The following SPECC1 variants were observed in gnomAD, a reference collection of about 807,000 sequenced individuals.
The protein encoded by SPECC1 is sperm antigen with calponin homology and coiled-coil domains 1, also known as cytospin-B.
In SPECC1, 62 loss-of-function variants were observed where a neutral mutation model predicts 104.1. The observed-to-expected ratio is 0.60, with a 90% CI of 0.49 to 0.74. The LOEUF (loss-of-function observed/expected upper bound fraction) is 0.74. Ranked by LOEUF, SPECC1 falls within the 30% of genes least tolerant of loss-of-function variation. The pLI is 0.00. For synonymous variants in SPECC1, 513 were observed against 501.6 expected, an observed-to-expected ratio of 1.02 and a Z score of -0.30; for missense variants, 1,306 against 1,310.5, an observed-to-expected ratio of 1.00 and a Z score of 0.05.
intron 1 of SPECC1, among the ~76,000 whole-genome samples, chr17:20,035,266 T>C (rs1567804851): frequency 6.6e-6 from 1 of 152,234 alleles, no homozygotes; most frequent in Non-Finnish European, 1.5e-5. Flanking sequence ...GCTACTCTAG[T>C]TCCTTTGCAT....
chr17:20,022,602 C>G (rs548284375), intron 1 of SPECC1, among the ~76,000 whole-genome samples: 6 of 152,176 alleles, frequency 3.9e-5, no homozygotes, highest in Admixed American at 3.9e-4. Context: ...ACATAAAAAT[C>G]CAGATTCCTA....
chr17:20,234,864 G>A (rs1308346599), intron 7 of SPECC1, among the ~76,000 whole-genome samples: 3 of 152,192 alleles, frequency 2.0e-5, no homozygotes. Context: ...ACTAAACAGT[G>A]GGATATTATC....
intron 1 of SPECC1, among the ~76,000 whole-genome samples, chr17:20,039,494 G>A (rs987303364): frequency 2.6e-5 from 4 of 152,080 alleles, no homozygotes; most frequent in Non-Finnish European, 4.4e-5. Flanking sequence ...TTTGATTAAT[G>A]TTTTCATGAT....
chr17:20,049,963 A>T (rs2045678043), intron 1 of SPECC1, among the ~76,000 whole-genome samples: 1 of 152,038 alleles, frequency 6.6e-6, no homozygotes, highest in South Asian at 2.1e-4. Flanking sequence ...GATTACAGGC[A>T]TGTGCCACCA....
At chr17:20,026,243 T>C (rs935266238) in intron 1 of SPECC1, among the ~76,000 whole-genome samples, 4 of 152,120 alleles carry the variant, frequency 2.6e-5, no homozygotes, top group African/African-American at 9.7e-5. Context: ...AGAGTGATAA[T>C]TTGATACATG....
chr17:20,059,132 G>A (rs564503887), intron 1 of SPECC1, among the ~76,000 whole-genome samples: 2 of 152,010 alleles, frequency 1.3e-5, no homozygotes, highest in Admixed American at 1.3e-4. Context: ...GAGCCACCAC[G>A]CCTGGCCTAT....
At chr17:20,070,758 G>A (rs1222747124) in intron 1 of SPECC1, among the ~76,000 whole-genome samples, 2 of 151,998 alleles carry the variant, frequency 1.3e-5, no homozygotes, top group Non-Finnish European at 2.9e-5. Context: ...TGGAATAATG[G>A]AACCAAAGGT....
intron 3 of SPECC1, among the ~76,000 whole-genome samples, chr17:20,120,151 G>A (rs1322537551): frequency 6.6e-6 from 1 of 152,198 alleles, no homozygotes; most frequent in African/African-American, 2.4e-5. Context: ...ACTCTGGGAG[G>A]CCGAGGCAGG....
At chr17:20,067,504 A>G (rs2046399128) in intron 1 of SPECC1, 1 of 152,050 alleles carries the variant, frequency 6.6e-6, no homozygotes, top group African/African-American at 2.4e-5. Flanking sequence ...TGTAAATATG[A>G]GCTCCTACTG....
At chr17:20,062,729 C>G (rs903483501) in intron 1 of SPECC1, among the ~76,000 whole-genome samples, 2 of 151,250 alleles carry the variant, frequency 1.3e-5, no homozygotes, top group African/African-American at 4.9e-5. Flanking sequence ...CAATCTGTCA[C>G]CCAGGCTGGA....
At chr17:20,220,269 G>A (rs2037789974) in intron 4 of SPECC1, among the ~76,000 whole-genome samples, 1 of 152,028 alleles carries the variant, frequency 6.6e-6, no homozygotes. Context: ...GGGTAGTGTG[G>A]ACATTTTAAC....
intron 3 of SPECC1, among the ~76,000 whole-genome samples, chr17:20,151,746 C>A (rs1321181010): frequency 2.6e-5 from 4 of 152,184 alleles, no homozygotes; most frequent in Admixed American, 2.0e-4. Flanking sequence ...GATCCCTGAA[C>A]TGCTTTTTAA....
intron 12 of SPECC1, among the ~76,000 whole-genome samples, chr17:20,261,456 T>C (rs550173588): frequency 1.4e-4 from 20 of 143,298 alleles, no homozygotes; most frequent in Non-Finnish European, 2.2e-4. Flanking sequence ...GAGCCAAGAT[T>C]GCGCCACTGC....
intron 14 of SPECC1, among the ~76,000 whole-genome samples, chr17:20,307,209 C>T (rs912494078): frequency 6.6e-6 from 1 of 152,154 alleles, no homozygotes; most frequent in Non-Finnish European, 1.5e-5. Flanking sequence ...ATGTGTTCAG[C>T]TTCAAGAAAT....
Position 20,317,780 on chromosome 17 carries a change from G to A in SPECC1, c.*3715G>A. On this transcript the variant is annotated 3_prime_UTR_variant, in exon 15 of 15. Transcript: ENST00000395527. ...GGTGTTTTGGGGAAGGGAAGGTTCTGCTGGGGTCCTGGAACTGTGACTGAT... is the reference window on the plus strand; with the variant it reads ...GGTGTTTTGGGGAAGGGAAGGTTCTACTGGGGTCCTGGAACTGTGACTGAT... The A allele has an allele frequency of 4.5e-6, 1 of 223,604 alleles. No homozygotes were observed. Among genetic ancestry groups the A allele is most frequent in the African/African-American group, 2.2e-5 (1 of 44,824 alleles). The allele number at this position is 223,604 out of a possible 1,614,324, so 13.9% of individuals were successfully genotyped here.
intron 1 of SPECC1, among the ~76,000 whole-genome samples, chr17:20,039,502 G>T (rs911033833): frequency 6.6e-6 from 1 of 152,068 alleles, no homozygotes; most frequent in African/African-American, 2.4e-5. Context: ...ATGTTTTCAT[G>T]ATATATTTTA....
intron 3 of SPECC1, among the ~76,000 whole-genome samples, chr17:20,127,233 C>T (rs891151586): frequency 6.6e-6 from 1 of 152,034 alleles, no homozygotes; most frequent in Non-Finnish European, 1.5e-5. Context: ...TTGAAATCTC[C>T]CATTTCTACC....
chr17:20,204,457 T>C lies in SPECC1; in HGVS notation c.408T>C (p.Thr136=), dbSNP rs749924232. ...CCAGGAAATCAGTGTCCAGTCCAACTTCTTCCAACACTCCCACTCCTACGA... is the reference window on the plus strand; with the variant it reads ...CCAGGAAATCAGTGTCCAGTCCAACCTCTTCCAACACTCCCACTCCTACGA... The part of the protein sequence containing the change: ...SNPRKSVSSP[T]SSNTPTPTKH... The change falls in exon 4 of 15, where the codon ACT becomes ACC. Residue 136 remains threonine, a synonymous_variant. Coordinates refer to ENST00000395527, the MANE Select transcript of SPECC1 (RefSeq NM_001243439.2). 6.2e-7 allele frequency: 1 copy of C among 1,614,054 alleles called. No individual in the cohort carries two copies. Among genetic ancestry groups the C allele is most frequent in the East Asian group, 2.2e-5 (1 of 44,872 alleles).
intron 1 of SPECC1, among the ~76,000 whole-genome samples, chr17:20,049,508 T>C (rs1030982705): frequency 9.9e-5 from 15 of 152,162 alleles, no homozygotes; most frequent in African/African-American, 3.6e-4. Context: ...ACCTGTCACA[T>C]TTTTATTTTG....
Sources: gnomAD v4.1 joint callset for allele counts (sites outside exome capture counted in the v4.1 genomes callset) on GRCh38, gnomAD v4.1.1 for gene constraint, MANE v1.5 for transcripts, NCBI Gene and HGNC (gene_info 2026-07-23, HGNC 2026-07-21) for gene names.